USP12: variants seen among roughly 807,000 people sequenced by gnomAD.
The protein encoded by USP12 is ubiquitin specific peptidase 12.
Under a neutral mutation model 45.5 loss-of-function variants are expected in USP12, and 19 were observed. The observed-to-expected ratio is 0.42, with a 90% CI of 0.29 to 0.61. The LOEUF is 0.61. Ranked by LOEUF, USP12 falls within the 20% of genes least tolerant of loss-of-function variation. The pLI is 0.22. For missense variants in USP12, 242 were observed against 447.7 expected (o/e 0.54, Z 4.15); for synonymous variants, 149 against 148.8 (o/e 1.00, Z -0.01).
intron 1 of USP12, among the ~76,000 whole-genome samples, chr13:27,141,976 G>C (rs111887736): frequency 6.6e-6 from 1 of 152,066 alleles, no homozygotes; most frequent in Non-Finnish European, 1.5e-5. Flanking sequence ...TTAGTTGGGC[G>C]TGGTACATGA....
At chr13:27,124,384 C>T (rs1593196462) in intron 1 of USP12, among the ~76,000 whole-genome samples, 2 of 151,384 alleles carry the variant, frequency 1.3e-5, no homozygotes, top group Non-Finnish European at 2.9e-5. Context: ...AAGTAGAGAA[C>T]AATACACCTT....
intron 1 of USP12, among the ~76,000 whole-genome samples, chr13:27,117,513 A>G (rs1019754452): frequency 6.6e-6 from 1 of 152,154 alleles, no homozygotes; most frequent in Non-Finnish European, 1.5e-5. Flanking sequence ...ACTACATAGG[A>G]GAGCCAGAAT....
intron 2 of USP12, among the ~76,000 whole-genome samples, chr13:27,108,695 G>C (rs1231536964): frequency 6.6e-6 from 1 of 152,196 alleles, no homozygotes; most frequent in African/African-American, 2.4e-5. Context: ...AATGGCTCAT[G>C]CCTGTAATCC....
intron 1 of USP12, among the ~76,000 whole-genome samples, chr13:27,151,063 T>C (rs1877545796): frequency 6.6e-6 from 1 of 152,128 alleles, no homozygotes; most frequent in South Asian, 2.1e-4. Context: ...ACGCTGTGGC[T>C]CACATCTGTA....
rs1565998164 is a variant in USP12, at chr13:27,129,614, G to A, written c.49-13018C>T. 6.6e-6 allele frequency among the ~76,000 whole-genome samples: 1 copy of A among 152,286 alleles called. No individual in the cohort carries two copies. The highest frequency in any genetic ancestry group is 1.9e-4 in the East Asian group (1 of 5,184). On this transcript the variant is annotated intron_variant, in intron 1 of 8. Transcript: ENST00000282344. This position sits in a 1 kb window ranked among gnomAD's most constrained non-coding sequence, Gnocchi z 4.0. ...CCCAGCTGTTCGGGAGGCTGAGGCA[G>A]GAGGATCATTAAGCCCAGGAGTTCG...
intron 4 of USP12, among the ~76,000 whole-genome samples, chr13:27,093,251 G>A (rs1874404080): frequency 1.3e-5 from 2 of 151,586 alleles, no homozygotes; most frequent in East Asian, 3.9e-4. Context: ...TCACGGACTG[G>A]GAGAAAATAT....
intron 1 of USP12, among the ~76,000 whole-genome samples, chr13:27,166,245 A>G (rs505361): frequency 0.9 from 137,218 of 152,162 alleles, 62,137 homozygotes; most frequent in South Asian, 0.96. Flanking sequence ...TCTGGAATAG[A>G]GCTGCTAAAA....
chr13:27,071,614 G>T (rs546404703), intron 7 of USP12, among the ~76,000 whole-genome samples: 1 of 152,156 alleles, frequency 6.6e-6, no homozygotes, highest in Admixed American at 6.5e-5. Context: ...AACAGGCAAG[G>T]ATATCAAATC....
chr13:27,141,682 T>C (rs891126267), intron 1 of USP12, among the ~76,000 whole-genome samples: 3 of 151,488 alleles, frequency 2.0e-5, no homozygotes, highest in African/African-American at 7.3e-5. Flanking sequence ...AATAAATGAA[T>C]AGACAGAAAG....
At chr13:27,150,056 T>G (rs999620914) in intron 1 of USP12, among the ~76,000 whole-genome samples, 1 of 152,192 alleles carries the variant, frequency 6.6e-6, no homozygotes, top group African/African-American at 2.4e-5. Flanking sequence ...TAACAACAAT[T>G]TATTGTATAC....
chr13:27,074,671 C>T (rs890017061), intron 7 of USP12, among the ~76,000 whole-genome samples: 1 of 151,874 alleles, frequency 6.6e-6, no homozygotes, highest in Admixed American at 6.6e-5. Context: ...TAGGTATGTA[C>T]GTTCATACAG....
chr13:27,082,718 A>G (rs1030589983), intron 6 of USP12, among the ~76,000 whole-genome samples: 4 of 152,234 alleles, frequency 2.6e-5, no homozygotes, highest in African/African-American at 9.6e-5. Context: ...TTGTAAGGTT[A>G]TTAATTGGCC....
chr13:27,159,913 A>C (rs934543348), intron 1 of USP12, among the ~76,000 whole-genome samples: 3 of 152,250 alleles, frequency 2.0e-5, no homozygotes, highest in South Asian at 4.1e-4. Context: ...AAAGGAAAGA[A>C]AGTAGACTAT....
intron 6 of USP12, among the ~76,000 whole-genome samples, chr13:27,088,416 CAAAAAAAAAAAA>C (rs11323861): frequency 1.1e-5 from 1 of 93,658 alleles, no homozygotes; most frequent in Non-Finnish European, 2.0e-5. Context: ...GACTCCGTCT[CAAAAAAAAAAAA>C]AAAAAAAAAA....
At chr13:27,147,262 G>T (rs1421771103) in intron 1 of USP12, among the ~76,000 whole-genome samples, 6 of 152,274 alleles carry the variant, frequency 3.9e-5, no homozygotes, top group Admixed American at 1.3e-4. Flanking sequence ...CATGTAGAAT[G>T]ATACCTAATC....
intron 6 of USP12, among the ~76,000 whole-genome samples, chr13:27,086,186 A>AT (rs1565984521): frequency 0.034 from 3,463 of 100,854 alleles, 191 homozygotes; most frequent in Non-Finnish European, 0.049. Context: ...AAAAAAAAAA[A>AT]AAAAAAAAAA....
chr13:27,097,712 G>T, intron 3 of USP12, among the ~76,000 whole-genome samples: 1 of 152,250 alleles, frequency 6.6e-6, no homozygotes, highest in East Asian at 1.9e-4. Flanking sequence ...TCACAAGGCT[G>T]GGAGGAAGAT....
intron 1 of USP12, among the ~76,000 whole-genome samples, chr13:27,143,848 G>A (rs1295883380): frequency 6.6e-6 from 1 of 152,162 alleles, no homozygotes; most frequent in Non-Finnish European, 1.5e-5. Context: ...ACACCATAAG[G>A]AAATGTTCAG....
At chr13:27,148,414 G>C (rs929187370) in intron 1 of USP12, among the ~76,000 whole-genome samples, 1 of 151,494 alleles carries the variant, frequency 6.6e-6, no homozygotes, top group East Asian at 1.9e-4. Context: ...GGTGACTCAC[G>C]CCTGTAATGC....
Sources: gnomAD v4.1 joint callset for allele counts (sites outside exome capture counted in the v4.1 genomes callset) on GRCh38, gnomAD v4.1.1 for gene constraint, Gnocchi (gnomAD v3.1) non-coding constraint, MANE v1.5 for transcripts, NCBI Gene and HGNC (gene_info 2026-07-23, HGNC 2026-07-21) for gene names.